The following PLEKHM2 variants were observed in gnomAD, a reference collection of about 807,000 sequenced individuals.
PLEKHM2 encodes the protein pleckstrin homology and RUN domain containing M2.
Under a neutral mutation model 116.3 loss-of-function variants are expected in PLEKHM2, and 77 were observed. The ratio of observed to expected loss-of-function variants is 0.66; its 90% confidence interval spans 0.55 to 0.80. The LOEUF (loss-of-function observed/expected upper bound fraction) is 0.80. Among genes scored for constraint, PLEKHM2 ranks in the 30% least tolerant of loss-of-function variants. The pLI, the probability that PLEKHM2 is intolerant of heterozygous loss-of-function variation, is 0.00. For synonymous variants in PLEKHM2, 562 were observed against 571.0 expected, an observed-to-expected ratio of 0.98 and a Z score of 0.22; for missense variants, 1,183 against 1,354.9, an observed-to-expected ratio of 0.87 and a Z score of 1.99.
chr1:15,725,734 G>C (rs369749801), intron 8 of PLEKHM2, 189 bp downstream of exon 8: 4 of 589,148 alleles, frequency 6.8e-6, no homozygotes, highest in African/African-American at 1.9e-5. Context: ...TAGTCAGCTC[G>C]GCTGCTGGAA....
chr1:15,733,407 C>T (rs992612806), intron 19 of PLEKHM2, among the ~76,000 whole-genome samples: 12 of 152,256 alleles, frequency 7.9e-5, no homozygotes, highest in African/African-American at 2.2e-4. Context: ...AGTGTGGGAG[C>T]GTGCTCATGA....
Position 15,727,257 on chromosome 1 carries a change from C to A in PLEKHM2, c.1185C>A (p.Ile395=). 6.2e-7 allele frequency: 1 copy of A among 1,605,992 alleles called. No homozygotes were observed. The highest frequency in any genetic ancestry group is 8.5e-7 in the Non-Finnish European group (1 of 1,177,194). ...AGCGCTCCGAGCCGGGCCTGCTGATCCCTGAGATGAAGGACACCTCCATGG... is the reference window on the plus strand; with the variant it reads ...AGCGCTCCGAGCCGGGCCTGCTGATACCTGAGATGAAGGACACCTCCATGG... The part of the protein sequence containing the change: ...SSERSEPGLL[I]PEMKDTSMER... The change falls in exon 9 of 20, where the codon ATC becomes ATA. Residue 395 remains isoleucine, a synonymous_variant. Coordinates refer to ENST00000375799, the MANE Select transcript of PLEKHM2 (RefSeq NM_015164.4). This position sits in a 1 kb window ranked among gnomAD's most constrained non-coding sequence, Gnocchi z 7.5.
At chr1:15,725,904 C>G in intron 8 of PLEKHM2, 1 of 280,026 alleles carries the variant, frequency 3.6e-6, no homozygotes, top group Non-Finnish European at 6.9e-6. Flanking sequence ...AGAGAGAGCT[C>G]TCTAGGGTCC....
chr1:15,687,158 G>C (rs1415271865), intron 1 of PLEKHM2, among the ~76,000 whole-genome samples: 1 of 151,760 alleles, frequency 6.6e-6, no homozygotes, highest in African/African-American at 2.4e-5. Flanking sequence ...GATTTTGTTT[G>C]TTTGTTTTTT....
At chr1:15,701,042 G>A (rs1324274895) in intron 1 of PLEKHM2, among the ~76,000 whole-genome samples, 3 of 151,070 alleles carry the variant, frequency 2.0e-5, no homozygotes, top group Non-Finnish European at 4.4e-5. Flanking sequence ...GAACCCAGGA[G>A]GCGGAGGTTG....
At position 15,716,779 on chromosome 1, in the gene PLEKHM2, C is replaced by T. The variant is rs1641455504; in HGVS notation, c.240C>T (p.Ile80=). ...HFTRREAIKQ[I]EVLQHVATNL... ...CTCGGAGAGAGGCCATCAAGCAGAT[C>T]GAGGTGCTGCAGCACGTGGCCACCA... is the stretch of plus-strand genomic sequence containing the variant. Residue 80 remains isoleucine, a synonymous_variant, in exon 3 of 20, where the codon ATC becomes ATT. Coordinates refer to ENST00000375799, the MANE Select transcript of PLEKHM2 (RefSeq NM_015164.4). 1.9e-6 allele frequency: 3 copies of T among 1,574,268 alleles called. No individual in the cohort carries two copies. The highest frequency in any genetic ancestry group is 1.9e-5 in the Admixed American group (1 of 53,764).
chr1:15,712,993 G>A (rs1274893900), intron 1 of PLEKHM2, among the ~76,000 whole-genome samples: 1 of 152,234 alleles, frequency 6.6e-6, no homozygotes, highest in Middle Eastern at 3.4e-3. Context: ...TAGAGACGGG[G>A]TTTCACCATG....
chr1:15,703,025 C>T (rs1195957401), intron 1 of PLEKHM2, among the ~76,000 whole-genome samples: 2 of 152,244 alleles, frequency 1.3e-5, no homozygotes, highest in African/African-American at 4.8e-5. Context: ...CCACAGCGCC[C>T]AGCCCTCAGG....
Position 15,734,078 on chromosome 1 carries a change from CAG to C in PLEKHM2, c.*145_*146del, listed in dbSNP as rs897277307. ...CAGAACCACCGAGTGTGGCTTAAGA[CAG>C]GGTCCCTCCACTCCAGGGATCCAGA... On this transcript the variant is annotated 3_prime_UTR_variant, in exon 20 of 20. Transcript: ENST00000375799. The C allele has an allele frequency of 3.4e-6, 3 of 887,082 alleles. No homozygotes were observed. Among genetic ancestry groups the C allele is most frequent in the Admixed American group, 5.9e-5 (2 of 33,698 alleles). The allele number at this position is 887,082 out of a possible 1,614,324, so 55.0% of individuals were successfully genotyped here.
chr1:15,726,942 G>A (rs1356978460), intron 8 of PLEKHM2, 72 bp from the exon 9 acceptor site: 18 of 1,048,816 alleles, frequency 1.7e-5, no homozygotes, highest in South Asian at 4.0e-5. Context: ...CATTGCCACC[G>A]TGACCCAGCC....
rs148657124 is a variant in PLEKHM2, at chr1:15,708,942, G to A, written c.61-7295G>A. Among the ~76,000 whole-genome samples, 217 of 152,292 alleles carry A rather than the reference G, an allele frequency of 1.4e-3. 1 individual carries two copies. The highest frequency in any genetic ancestry group is 5.1e-3 in the African/African-American group (210 of 41,552). On this transcript the variant is annotated intron_variant, in intron 1 of 19. Coordinates refer to ENST00000375799, the MANE Select transcript of PLEKHM2 (RefSeq NM_015164.4). Reference sequence around the variant, plus strand: ...ATGTATCATGTACTTGGTAAACATAGTATAAGCATTATGAACCCTCATGGC... The same window carrying A: ...ATGTATCATGTACTTGGTAAACATAATATAAGCATTATGAACCCTCATGGC...
In PLEKHM2 at chr1:15,727,318, C is replaced by A; in HGVS notation, c.1246C>A (p.Gln416Lys). The change falls in exon 9 of 20, where the codon CAG becomes AAG. Residue 416 changes from glutamine (Q) to lysine (K), a missense_variant. By Grantham distance (53) the Gln-to-Lys change is moderately conservative. Around this residue, in one of 3 missense-constraint regions of PLEKHM2, gnomAD observed 372 missense variants for 357.2 expected, o/e 1.04. Coordinates refer to ENST00000375799, the MANE Select transcript of PLEKHM2 (RefSeq NM_015164.4). The surrounding 1 kb of genome is among the most constrained non-coding windows in gnomAD (Gnocchi z 7.5). ...GCAGCCCCTGAGCAAGGTTATCGACCAGCTCAACGGGCAGCTGGACCCCAG... is the reference window on the plus strand; with the variant it reads ...GCAGCCCCTGAGCAAGGTTATCGACAAGCTCAACGGGCAGCTGGACCCCAG... ...LGQPLSKVID[Q>K]LNGQLDPSTW... 6.2e-7 allele frequency: 1 copy of A among 1,601,082 alleles called. No homozygotes were observed. The highest frequency in any genetic ancestry group is 2.3e-5 in the East Asian group (1 of 44,254).
chr1:15,696,889 C>T (rs757042406), intron 1 of PLEKHM2, among the ~76,000 whole-genome samples: 1 of 152,146 alleles, frequency 6.6e-6, no homozygotes, highest in Non-Finnish European at 1.5e-5. Flanking sequence ...CTTGTATTTA[C>T]GTTTTCAGCC....
intron 1 of PLEKHM2, among the ~76,000 whole-genome samples, chr1:15,694,136 G>C (rs1277698623): frequency 1.3e-5 from 2 of 152,098 alleles, no homozygotes; most frequent in Admixed American, 1.3e-4. Flanking sequence ...GGCAGATCAC[G>C]AGATCAGGAG....
chr1:15,721,255 TC>T lies in PLEKHM2; in HGVS notation c.653-70del. On this transcript the variant is annotated intron_variant, in intron 6 of 19. Coordinates refer to ENST00000375799, the MANE Select transcript of PLEKHM2 (RefSeq NM_015164.4). This position sits in a 1 kb window ranked among gnomAD's most constrained non-coding sequence, Gnocchi z 5.1. ...TTCTCCCCATGTCTCCCACCCCATT[TC>T]CCCTCCCCTCCCTCCAGTCATCCTT... The T allele has an allele frequency of 1.2e-6, 1 of 831,016 alleles. No individual in the cohort carries two copies. Among genetic ancestry groups the T allele is most frequent in the Non-Finnish European group, 2.0e-6 (1 of 499,466 alleles). The allele number at this position is 831,016 out of a possible 1,614,324, so 51.5% of individuals were successfully genotyped here. A position where few individuals can be genotyped will look rare whatever the true frequency, so the allele number is the denominator to read the frequency against.
At chr1:15,709,991 G>A (rs951035636) in intron 1 of PLEKHM2, among the ~76,000 whole-genome samples, 4 of 151,998 alleles carry the variant, frequency 2.6e-5, no homozygotes, top group Non-Finnish European at 4.4e-5. Context: ...TTTGGAGGCC[G>A]AGATGGGCAG....
chr1:15,683,346 A>G (rs1484235954), upstream of PLEKHM2, among the ~76,000 whole-genome samples: 2 of 151,358 alleles, frequency 1.3e-5, no homozygotes, highest in African/African-American at 4.9e-5. Context: ...GGGGAGGAAG[A>G]TAAGTGGGGC....
chr1:15,687,452 G>A (rs965108663), intron 1 of PLEKHM2, among the ~76,000 whole-genome samples: 1 of 152,178 alleles, frequency 6.6e-6, no homozygotes, highest in Non-Finnish European at 1.5e-5. Context: ...GGGATTACAG[G>A]CATGGTGAAG....
At chr1:15,697,099 C>A (rs897063334) in intron 1 of PLEKHM2, among the ~76,000 whole-genome samples, 1 of 152,136 alleles carries the variant, frequency 6.6e-6, no homozygotes, top group Non-Finnish European at 1.5e-5. Flanking sequence ...AAGATGAACA[C>A]GCCAGCTGAA....
Sources: gnomAD v4.1 joint callset for allele counts (sites outside exome capture counted in the v4.1 genomes callset) on GRCh38, gnomAD v4.1.1 for gene constraint, gnomAD v4.1.1 regional missense constraint, Gnocchi (gnomAD v3.1) non-coding constraint, MANE v1.5 for transcripts, NCBI Gene and HGNC (gene_info 2026-07-23, HGNC 2026-07-21) for gene names.